The following GALNT13 variants were observed in gnomAD, a reference collection of about 807,000 sequenced individuals.
GALNT13 encodes polypeptide N-acetylgalactosaminyltransferase 13.
A neutral mutation model predicts 64.2 loss-of-function variants in GALNT13; 28 were observed. The ratio of observed to expected loss-of-function variants is 0.44; its 90% confidence interval spans 0.32 to 0.60. GALNT13 has a LOEUF of 0.60. Among genes scored for constraint, GALNT13 ranks in the 20% least tolerant of loss-of-function variants. The pLI is 0.05. For missense variants in GALNT13, 577 were observed against 669.8 expected (o/e 0.86, Z 1.53); for synonymous variants, 214 against 224.6 (o/e 0.95, Z 0.42).
chr2:154,233,569 T>G (rs1689040369), intron 4 of GALNT13, among the ~76,000 whole-genome samples: 1 of 152,204 alleles, frequency 6.6e-6, no homozygotes, highest in South Asian at 2.1e-4. Context: ...GTAATCTGTG[T>G]GGTTGCTGGA....
intron 9 of GALNT13, among the ~76,000 whole-genome samples, chr2:154,375,072 C>T (rs924821176): frequency 1.3e-5 from 2 of 152,110 alleles, no homozygotes; most frequent in Non-Finnish European, 2.9e-5. Context: ...CTGCAAGCTC[C>T]GGTTCCCGGG....
At chr2:153,655,413 T>C in the GALNT13 span, among the ~76,000 whole-genome samples, 111 of 152,256 alleles carry the variant, frequency 7.3e-4, 1 homozygote, top group Non-Finnish European at 4.4e-4. Flanking sequence ...ACAACCACTT[T>C]TGATCCTTTG....
At chr2:153,401,604 G>A in the GALNT13 span, among the ~76,000 whole-genome samples, 10 of 151,214 alleles carry the variant, frequency 6.6e-5, no homozygotes, top group East Asian at 1.9e-4. Flanking sequence ...ATGAATCTGG[G>A]TGCCCCTGTA....
intron 3 of GALNT13, among the ~76,000 whole-genome samples, chr2:153,988,079 C>G (rs1373445261): frequency 6.6e-6 from 1 of 151,204 alleles, no homozygotes; most frequent in Non-Finnish European, 1.5e-5. Flanking sequence ...TATATACACA[C>G]ACACACACAC....
chr2:154,235,229 G>A (rs1689131156), intron 4 of GALNT13, among the ~76,000 whole-genome samples: 1 of 152,078 alleles, frequency 6.6e-6, no homozygotes, highest in Non-Finnish European at 1.5e-5. Context: ...CATCTCCCTG[G>A]ATTTTAAAAT....
chr2:154,144,831 A>G (rs1483765099), intron 4 of GALNT13, among the ~76,000 whole-genome samples: 1 of 151,960 alleles, frequency 6.6e-6, no homozygotes, highest in African/African-American at 2.4e-5. Flanking sequence ...TGTAATATCT[A>G]TCCCTAGGAA....
At chr2:154,191,012 G>A (rs921012779) in intron 4 of GALNT13, among the ~76,000 whole-genome samples, 1 of 152,084 alleles carries the variant, frequency 6.6e-6, no homozygotes, top group African/African-American at 2.4e-5. Context: ...ATAGCCACAT[G>A]CTTCTATCAT....
chr2:153,326,023 C>T, the GALNT13 span, among the ~76,000 whole-genome samples: 1,392 of 152,244 alleles, frequency 9.1e-3, 24 homozygotes, highest in East Asian at 0.084. Context: ...TGGGTTGGTG[C>T]GGAGCTGAGT....
the GALNT13 span, among the ~76,000 whole-genome samples, chr2:153,441,027 C>T: frequency 1.3e-5 from 2 of 152,068 alleles, no homozygotes; most frequent in African/African-American, 4.8e-5. Context: ...TTGTCCATGG[C>T]CATGTCTGGA....
At chr2:153,796,434 G>C in the GALNT13 span, among the ~76,000 whole-genome samples, 1 of 152,084 alleles carries the variant, frequency 6.6e-6, no homozygotes, top group Non-Finnish European at 1.5e-5. Flanking sequence ...AATTCCAAAA[G>C]CAATCAGATG....
At chr2:153,910,023 T>G (rs1688832663) in intron 2 of GALNT13, among the ~76,000 whole-genome samples, 1 of 151,950 alleles carries the variant, frequency 6.6e-6, no homozygotes, top group African/African-American at 2.4e-5. Context: ...CTTCTTTGTA[T>G]GTCTGGTAGA....
At chr2:153,537,179 A>C in the GALNT13 span, among the ~76,000 whole-genome samples, 1 of 152,194 alleles carries the variant, frequency 6.6e-6, no homozygotes. Context: ...TGTAAACATG[A>C]GAGAGAGATA....
At chr2:153,377,644 T>C in the GALNT13 span, among the ~76,000 whole-genome samples, 2 of 152,130 alleles carry the variant, frequency 1.3e-5, no homozygotes, top group Non-Finnish European at 2.9e-5. Flanking sequence ...CACCAGAAGA[T>C]AACCAGATGC....
the GALNT13 span, among the ~76,000 whole-genome samples, chr2:153,499,930 C>T: frequency 6.6e-6 from 1 of 152,048 alleles, no homozygotes; most frequent in Admixed American, 6.5e-5. Context: ...GTGCAGGGCT[C>T]CCACAACTCC....
the GALNT13 span, among the ~76,000 whole-genome samples, chr2:153,554,065 C>G: frequency 1.3e-5 from 2 of 151,934 alleles, no homozygotes; most frequent in East Asian, 1.9e-4. Context: ...CAAGTTTGCC[C>G]CAGCTCTTTG....
At chr2:154,253,231 T>C (rs373082375) in intron 7 of GALNT13, among the ~76,000 whole-genome samples, 55 of 152,258 alleles carry the variant, frequency 3.6e-4, no homozygotes, top group African/African-American at 1.1e-3. Flanking sequence ...AAGTCCAGAC[T>C]TCTAACAACT....
the GALNT13 span, among the ~76,000 whole-genome samples, chr2:153,580,008 C>T: frequency 6.6e-6 from 1 of 152,082 alleles, no homozygotes; most frequent in African/African-American, 2.4e-5. Context: ...GAATTGCAGC[C>T]TAATTCTATT....
chr2:153,748,305 T>G, the GALNT13 span, among the ~76,000 whole-genome samples: 2 of 152,162 alleles, frequency 1.3e-5, no homozygotes, highest in South Asian at 4.1e-4. Context: ...GCAGTGGGAT[T>G]GCTGGATTAT....
At chr2:153,235,950 A>G in the GALNT13 span, among the ~76,000 whole-genome samples, 4 of 152,196 alleles carry the variant, frequency 2.6e-5, no homozygotes, top group Non-Finnish European at 4.4e-5. Flanking sequence ...TTGTGAATGC[A>G]AAGGAAAAGA....
Sources: allele counts gnomAD v4.1 joint callset (sites outside exome capture counted in the v4.1 genomes callset), GRCh38; gene constraint gnomAD v4.1.1; transcripts MANE v1.5; gene names NCBI Gene and HGNC (gene_info 2026-07-23, HGNC 2026-07-21).